The following COL4A1 variants were observed in gnomAD, a reference collection of about 807,000 sequenced individuals.
COL4A1 encodes collagen type IV alpha 1 chain.
In COL4A1, 40 loss-of-function variants were observed where a neutral mutation model predicts 216.6. That is an observed-to-expected ratio of 0.18 (90% confidence interval 0.14 to 0.24). COL4A1 has a LOEUF of 0.24. Among genes scored for constraint, COL4A1 ranks in the 10% least tolerant of loss-of-function variants. The pLI is 1.00. For missense variants in COL4A1, 1,628 were observed against 2,196.8 expected (o/e 0.74, Z 5.18); for synonymous variants, 839 against 810.7 (o/e 1.03, Z -0.59).
chr13:110,176,370 C>A (rs1877885216), intron 36 of COL4A1, 54 bp downstream of exon 36: 2 of 1,187,640 alleles, frequency 1.7e-6, no homozygotes, highest in Non-Finnish European at 2.5e-6. Context: ...CAGACATGCC[C>A]TACCAGTATC....
chr13:110,170,847 G>C, intron 41 of COL4A1, 115 bp from the exon 42 acceptor site: 1 of 1,143,498 alleles, frequency 8.7e-7, no homozygotes. Context: ...ACCGCTCAGA[G>C]GGAGCTTCCA....
At chr13:110,257,667 G>T (rs1882638507) in intron 1 of COL4A1, among the ~76,000 whole-genome samples, 1 of 152,184 alleles carries the variant, frequency 6.6e-6, no homozygotes, top group Admixed American at 6.5e-5. Context: ...TGCATGTTGA[G>T]GCCTCCTTTC....
chr13:110,245,261 A>G (rs1057053090), intron 1 of COL4A1, among the ~76,000 whole-genome samples: 1 of 152,148 alleles, frequency 6.6e-6, no homozygotes, highest in Non-Finnish European at 1.5e-5. Context: ...AAGTCCCTGG[A>G]GTTTCGGGGC....
Position 110,155,295 on chromosome 13 carries a change from G to A in COL4A1, c.4743C>T (p.Tyr1581=), listed in dbSNP as rs1261238411. 1 of 1,613,326 alleles carries A rather than the reference G, an allele frequency of 6.2e-7. No homozygotes were observed. The highest frequency in any genetic ancestry group is 1.3e-5 in the African/African-American group (1 of 75,040). Residue 1581 remains tyrosine (Y), a synonymous_variant, in exon 50 of 52, where the codon TAC becomes TAT. Transcript: ENST00000375820. ...PSGWSSLWIG[Y]SFVMHTSAGA... ...CCCAGACACTTACCATCACAAAAGA[G>A]TAGCCGATCCACAGCGAGGACCACC... is the stretch of plus-strand genomic sequence containing the variant.
chr13:110,171,812 C>CT (rs767097890), intron 41 of COL4A1, among the ~76,000 whole-genome samples: 8 of 152,230 alleles, frequency 5.3e-5, no homozygotes, highest in Non-Finnish European at 1.2e-4. Flanking sequence ...CAGCCCACAG[C>CT]GACCCCTTGA....
At chr13:110,172,152 T>G (rs1219824385) in intron 41 of COL4A1, among the ~76,000 whole-genome samples, 1 of 152,208 alleles carries the variant, frequency 6.6e-6, no homozygotes, top group African/African-American at 2.4e-5. Flanking sequence ...GTGTGTGAGC[T>G]CCTGGCTGCG....
chr13:110,150,464 C>T lies in COL4A1; in HGVS notation c.4929-20G>A. ...GGCTTCCTAAAACACGACACAGAGA[C>T]AGACCATTGGCCATCATCTCACAGC... On this transcript the variant is annotated intron_variant, in intron 51 of 51. Transcript: ENST00000375820. The T allele has an allele frequency of 6.2e-7, 1 of 1,612,550 alleles. No individual in the cohort carries two copies. The highest frequency in any genetic ancestry group is 1.1e-5 in the South Asian group (1 of 90,990).
At chr13:110,230,628 C>T (rs1444766120) in intron 2 of COL4A1, among the ~76,000 whole-genome samples, 1 of 152,168 alleles carries the variant, frequency 6.6e-6, no homozygotes, top group East Asian at 1.9e-4. Context: ...CCGGCCCCCA[C>T]CACACCCTGC....
At chr13:110,260,674 G>GA (rs1341710309) in intron 1 of COL4A1, among the ~76,000 whole-genome samples, 1 of 152,262 alleles carries the variant, frequency 6.6e-6, no homozygotes, top group East Asian at 1.9e-4. Context: ...TTTGCAAGAG[G>GA]AAAAGAGTTC....
At chr13:110,172,421 G>A (rs1877688131) in intron 41 of COL4A1, among the ~76,000 whole-genome samples, 1 of 152,190 alleles carries the variant, frequency 6.6e-6, no homozygotes, top group Non-Finnish European at 1.5e-5. Flanking sequence ...TCAATATTCT[G>A]ATGACCTTCT....
intron 22 of COL4A1, among the ~76,000 whole-genome samples, chr13:110,193,159 G>A (rs967921555): frequency 1.4e-4 from 21 of 152,360 alleles, no homozygotes; most frequent in African/African-American, 5.1e-4. Context: ...GACCACAGAC[G>A]CACTGCTTAA....
chr13:110,294,091 T>C (rs1210672071), intron 1 of COL4A1, among the ~76,000 whole-genome samples: 1 of 152,132 alleles, frequency 6.6e-6, no homozygotes, highest in Non-Finnish European at 1.5e-5. Context: ...GGCGCTGAGC[T>C]GGAGGAGACG....
At chr13:110,182,568 C>T (rs929110698) in intron 28 of COL4A1, among the ~76,000 whole-genome samples, 6 of 152,282 alleles carry the variant, frequency 3.9e-5, no homozygotes, top group African/African-American at 1.4e-4. Context: ...CAGGAAGTGA[C>T]GGCTCTAACA....
intron 28 of COL4A1, among the ~76,000 whole-genome samples, chr13:110,181,983 G>A (rs1388934462): frequency 2.6e-5 from 4 of 152,182 alleles, no homozygotes; most frequent in Non-Finnish European, 4.4e-5. Flanking sequence ...GCACACACCC[G>A]AATCACATCT....
chr13:110,290,195 G>T (rs554750209), intron 1 of COL4A1, among the ~76,000 whole-genome samples: 1 of 152,284 alleles, frequency 6.6e-6, no homozygotes, highest in South Asian at 2.1e-4. Context: ...GCCTTTTAAA[G>T]TTCATTTTCC....
intron 1 of COL4A1, among the ~76,000 whole-genome samples, chr13:110,269,012 C>T (rs1014777990): frequency 2.6e-5 from 4 of 152,104 alleles, no homozygotes; most frequent in African/African-American, 7.2e-5. Flanking sequence ...TCTTGGCGCA[C>T]GGAGAACTGA....
At chr13:110,176,124 G>T (rs560096657) in intron 36 of COL4A1, among the ~76,000 whole-genome samples, 1 of 152,206 alleles carries the variant, frequency 6.6e-6, no homozygotes, top group Admixed American at 6.5e-5. Context: ...AGAAGCCGTC[G>T]TCTCTTAGGG....
intron 24 of COL4A1, among the ~76,000 whole-genome samples, chr13:110,190,156 G>A (rs1878566996): frequency 6.6e-6 from 1 of 151,778 alleles, no homozygotes; most frequent in Non-Finnish European, 1.5e-5. Context: ...ATTTACGGGA[G>A]AAATCTGGGT....
At chr13:110,198,703 T>C (rs1254881038) in intron 20 of COL4A1, 72 bp from the exon 21 acceptor site, 10 of 1,586,384 alleles carry the variant, frequency 6.3e-6, no homozygotes, top group Non-Finnish European at 8.6e-6. Context: ...CTCATTCTCC[T>C]AACTCTGTTC....
Sources: gnomAD v4.1 joint callset for allele counts (sites outside exome capture counted in the v4.1 genomes callset) on GRCh38, gnomAD v4.1.1 for gene constraint, MANE v1.5 for transcripts, NCBI Gene and HGNC (gene_info 2026-07-23, HGNC 2026-07-21) for gene names.